Variants in HLCS observed in about 807,000 individuals in gnomAD.
The protein encoded by HLCS is biotin--protein ligase.
In HLCS, 53 loss-of-function variants were observed where a neutral mutation model predicts 75.0. That is an observed-to-expected ratio of 0.71 (90% CI 0.57 to 0.89). HLCS has a LOEUF of 0.89. HLCS is among the 40% of genes least tolerant of loss of function. The pLI is 0.00. For synonymous variants in HLCS, 431 were observed against 428.6 expected (o/e 1.01, Z -0.07); for missense variants, 966 against 1,074.0 (o/e 0.90, Z 1.41).
Position 36,760,170 on chromosome 21 carries a change from A to T in HLCS, c.2122-329T>A, listed in dbSNP as rs534664232. On this transcript the variant is annotated intron_variant, in intron 8 of 10. Coordinates refer to ENST00000674895, the MANE Select transcript of HLCS (RefSeq NM_001352514.2). The stretch of plus-strand genomic sequence containing the variant: ...GTCAGTATCCACCACCACCACCACC[A>T]TGGAGTAGCTAACTAACGTGCTAGG... Among the ~76,000 whole-genome samples the T allele has an allele frequency of 1.6e-4, 25 of 152,230 alleles. No individual in the cohort carries two copies. The East Asian group carries it at 4.6e-3, about 28-fold the overall frequency.
chr21:36,972,392 C>T (rs1010806839), intron 1 of HLCS: 2 of 152,328 alleles, frequency 1.3e-5, no homozygotes, highest in African/African-American at 4.8e-5. Flanking sequence ...TCAAGCTGTC[C>T]TCCTGCCTCA....
At chr21:36,871,773 T>C (rs1569127747) in intron 6 of HLCS, among the ~76,000 whole-genome samples, 1 of 152,134 alleles carries the variant, frequency 6.6e-6, no homozygotes, top group Non-Finnish European at 1.5e-5. Flanking sequence ...AAAGAACTTC[T>C]ACAACTCAAT....
rs565750850 is a variant in HLCS at position 36,979,285 on chromosome 21, A to AG, written c.-393+10872_-393+10873insC. Among the ~76,000 whole-genome samples the AG allele has an allele frequency of 8.6e-3, 1,079 of 125,112 alleles. 13 individuals carry two copies. The highest frequency in any genetic ancestry group is 0.047 in the South Asian group (184 of 3,896). 82.1% of individuals were successfully genotyped at this position (125,112 alleles called of 152,430 possible). On this transcript the variant is annotated intron_variant, in intron 1 of 11. Transcript: ENST00000336648. ...AAGACTCAGTCTCAAAAAAAAAAAA[A>AG]AAAGAAAGAAAGAAAAAAACTACCT...
In HLCS at chr21:36,966,642, C is replaced by G. The variant is rs1022583326; in HGVS notation, c.-4G>C. On this transcript the variant is annotated 5_prime_UTR_variant, in exon 1 of 11. Coordinates refer to ENST00000674895, the MANE Select transcript of HLCS (RefSeq NM_001352514.2). ...GGTAGCACAGCGTGATGAGCATGGC[C>G]GCGCCGCCGGCAGGGCGAGCCCGCC... is the stretch of plus-strand genomic sequence containing the variant. The G allele has an allele frequency of 1.0e-4, 98 of 979,784 alleles. No homozygotes were observed. In the African/African-American group the frequency reaches 1.6e-3, roughly 16 times the overall value. The allele number at this position is 979,784 out of a possible 1,614,324, so 60.7% of individuals were successfully genotyped here.
At chr21:36,757,950 A>G (rs2089669771) in intron 9 of HLCS, among the ~76,000 whole-genome samples, 1 of 152,154 alleles carries the variant, frequency 6.6e-6, no homozygotes, top group Admixed American at 6.5e-5. Flanking sequence ...ACTACTGGCC[A>G]CTTAGGCTAT....
intron 2 of HLCS, among the ~76,000 whole-genome samples, chr21:36,939,348 A>G: frequency 6.6e-6 from 1 of 152,228 alleles, no homozygotes. Flanking sequence ...AGAAGTCCAC[A>G]ATACCCAGTT....
chr21:36,784,081 T>C (rs2060617168), intron 6 of HLCS, among the ~76,000 whole-genome samples: 1 of 152,122 alleles, frequency 6.6e-6, no homozygotes, highest in Admixed American at 6.6e-5. Context: ...TGCTGGGCCC[T>C]TGGTATGAGC....
intron 5 of HLCS, among the ~76,000 whole-genome samples, chr21:36,912,405 G>A (rs1317051932): frequency 6.6e-6 from 1 of 151,976 alleles, no homozygotes; most frequent in Non-Finnish European, 1.5e-5. Flanking sequence ...GACAAATATT[G>A]TATGATGTCA....
At chr21:36,961,676 G>A (rs1264478068) in intron 2 of HLCS, among the ~76,000 whole-genome samples, 5 of 151,940 alleles carry the variant, frequency 3.3e-5, no homozygotes, top group Admixed American at 1.3e-4. Context: ...ATTTGAGGCC[G>A]GGCGTGGTGG....
chr21:36,974,476 G>A (rs545238781), intron 1 of HLCS: 2 of 152,362 alleles, frequency 1.3e-5, no homozygotes, highest in Admixed American at 6.5e-5. Flanking sequence ...CAGGGTTAAT[G>A]GGCTGAACTG....
chr21:36,859,889 G>A (rs536972089), intron 6 of HLCS, among the ~76,000 whole-genome samples: 1 of 152,312 alleles, frequency 6.6e-6, no homozygotes, highest in South Asian at 2.1e-4. Context: ...GGAAGAAGAC[G>A]GTTTCGCAAT....
intron 6 of HLCS, among the ~76,000 whole-genome samples, chr21:36,800,393 C>T (rs1174178737): frequency 6.6e-6 from 1 of 152,172 alleles, no homozygotes; most frequent in African/African-American, 2.4e-5. Context: ...AAAACAGAGA[C>T]TCTGTGACCA....
intron 6 of HLCS, among the ~76,000 whole-genome samples, chr21:36,781,469 T>G (rs572934173): frequency 6.6e-6 from 1 of 152,212 alleles, no homozygotes; most frequent in African/African-American, 2.4e-5. Flanking sequence ...TTATGCACTA[T>G]CTTACGTATT....
intron 4 of HLCS, among the ~76,000 whole-genome samples, chr21:36,934,871 T>A (rs576542243): frequency 1.8e-4 from 27 of 152,340 alleles, no homozygotes; most frequent in African/African-American, 6.0e-4. Flanking sequence ...AGTGACCCTG[T>A]CACACAGAAG....
chr21:36,966,592 C>A lies in HLCS; in HGVS notation c.47G>T (p.Arg16Leu). The change falls in exon 1 of 11, where the codon CGC becomes CTC. Residue 16 changes from arginine to leucine, a missense_variant. Coordinates refer to ENST00000674895, the MANE Select transcript of HLCS (RefSeq NM_001352514.2). ...GGCGCGCACGAGCTCAGCCGGCCGGCGACCCCAGCGCGCCCACAGGTACAG... is the reference window on the plus strand; with the variant it reads ...GGCGCGCACGAGCTCAGCCGGCCGGAGACCCCAGCGCGCCCACAGGTACAG... The part of the protein sequence containing the change: ...CYLYLWARWG[R>L]RPAELVRATV... 1 of 993,776 alleles carries A rather than the reference C, an allele frequency of 1.0e-6. No homozygotes were observed. Among genetic ancestry groups the A allele is most frequent in the Middle Eastern group, 4.2e-4 (1 of 2,360 alleles). 61.6% of individuals were successfully genotyped at this position (993,776 alleles called of 1,614,324 possible). A position where few individuals can be genotyped will look rare whatever the true frequency, so the allele number is the denominator to read the frequency against.
At chr21:36,866,486 A>C (rs145943728) in intron 6 of HLCS, among the ~76,000 whole-genome samples, 1 of 152,342 alleles carries the variant, frequency 6.6e-6, no homozygotes, top group African/African-American at 2.4e-5. Flanking sequence ...GTTCAAACTT[A>C]AAATCGTGCA....
intron 6 of HLCS, among the ~76,000 whole-genome samples, chr21:36,771,592 A>C (rs2060207538): frequency 6.6e-6 from 1 of 152,226 alleles, no homozygotes; most frequent in Non-Finnish European, 1.5e-5. Flanking sequence ...ATGAAAGCCC[A>C]TCATGTGGTC....
rs1240466574 is a variant in HLCS, at chr21:36,842,016, C to T, written c.1892+54844G>A. Among the ~76,000 whole-genome samples the T allele has an allele frequency of 6.6e-6, 1 of 152,128 alleles. No homozygotes were observed. The highest frequency in any genetic ancestry group is 1.9e-4 in the East Asian group (1 of 5,186). ...AACAAAAATGCTTACATATGTTCAC[C>T]AAAAGAATCAGATGGTTCATAACAG... On this transcript the variant is annotated intron_variant, in intron 6 of 10. Coordinates refer to ENST00000674895, the MANE Select transcript of HLCS (RefSeq NM_001352514.2). The surrounding 1 kb of genome is among the most constrained non-coding windows in gnomAD (Gnocchi z 4.2).
intron 1 of HLCS, among the ~76,000 whole-genome samples, chr21:36,987,007 T>G (rs1307152106): frequency 6.6e-6 from 1 of 152,244 alleles, no homozygotes; most frequent in African/African-American, 2.4e-5. Context: ...ATTATTGCCA[T>G]TATTAATTTT....
Sources: allele counts gnomAD v4.1 joint callset (sites outside exome capture counted in the v4.1 genomes callset), GRCh38; gene constraint gnomAD v4.1.1; non-coding constraint Gnocchi (gnomAD v3.1); transcripts MANE v1.5; gene names NCBI Gene and HGNC (gene_info 2026-07-23, HGNC 2026-07-21).